PRSS36: variants seen among roughly 807,000 people sequenced by gnomAD.
PRSS36 encodes serine protease 36.
Under a neutral mutation model 94.3 loss-of-function variants are expected in PRSS36, and 90 were observed. That is an observed-to-expected ratio of 0.95 (90% CI 0.80 to 1.14). The LOEUF (loss-of-function observed/expected upper bound fraction) is 1.14, where lower values mean the gene tolerates loss of function less well. PRSS36 is among the 50% of genes most tolerant of loss of function. PRSS36 has a pLI of 0.00. For missense variants in PRSS36, 1,158 were observed against 1,135.0 expected, an observed-to-expected ratio of 1.02 and a Z score of -0.29; for synonymous variants, 500 against 489.6, an observed-to-expected ratio of 1.02 and a Z score of -0.28.
Position 31,145,559 on chromosome 16 carries a change from G to A in PRSS36, c.720+230C>T, listed in dbSNP as rs113183643. ...GCACAAGAGTCGCTTGAGCGGTGGGGGTGGAGCAGGGGGAGGTTGCAGTAA... is the reference window on the plus strand; with the variant it reads ...GCACAAGAGTCGCTTGAGCGGTGGGAGTGGAGCAGGGGGAGGTTGCAGTAA... On this transcript the variant is annotated intron_variant, in intron 6 of 14. Transcript: ENST00000268281. 1.6e-4 allele frequency among the ~76,000 whole-genome samples: 25 copies of A among 151,914 alleles called. 1 individual carries two copies. Among genetic ancestry groups the A allele is most frequent in the Non-Finnish European group, 3.4e-4 (23 of 67,986 alleles).
At chr16:31,142,670 G>A (rs1370861388) in intron 9 of PRSS36, 26 bp from the exon 10 acceptor site, 1 of 1,411,276 alleles carries the variant, frequency 7.1e-7, no homozygotes, top group Non-Finnish European at 9.2e-7. Flanking sequence ...CAGGGAGCCC[G>A]CGCTGCGGCC....
At position 31,142,779 on chromosome 16, in the gene PRSS36, G is replaced by A; in HGVS notation, c.1315C>T (p.Leu439=). 6.9e-7 allele frequency: 1 copy of A among 1,452,782 alleles called. No homozygotes were observed. The highest frequency in any genetic ancestry group is 9.1e-7 in the Non-Finnish European group (1 of 1,098,254). The allele number at this position is 1,452,782 out of a possible 1,614,324, so 90.0% of individuals were successfully genotyped here. ...VCLPHPEHYF[L]PGSRCRLARW... is the part of the protein sequence containing the mutation. Reference sequence around the variant, plus strand: ...GCCAGGCGGCAGCGGCTCCCGGGCAGGAAGTAGTGTTCCGGGTGGGGTAGG... The same window carrying A: ...GCCAGGCGGCAGCGGCTCCCGGGCAAGAAGTAGTGTTCCGGGTGGGGTAGG... The change falls in exon 9 of 15, where the codon CTG becomes TTG. Residue 439 remains leucine, a synonymous_variant. Transcript: ENST00000268281.
chr16:31,147,074 G>C (rs1204596946), intron 5 of PRSS36, among the ~76,000 whole-genome samples: 1 of 152,138 alleles, frequency 6.6e-6, no homozygotes, highest in Admixed American at 6.5e-5. Context: ...GGAAGTTGGG[G>C]ATTGTCCTGG....
intron 10 of PRSS36, among the ~76,000 whole-genome samples, chr16:31,142,184 C>T (rs1290168964): frequency 6.6e-6 from 1 of 152,238 alleles, no homozygotes; most frequent in Non-Finnish European, 1.5e-5. Context: ...AGCTCAGAGC[C>T]CGCCTCAGCT....
At chr16:31,143,907 T>G in intron 6 of PRSS36, 70 bp from the exon 7 acceptor site, 1 of 1,587,198 alleles carries the variant, frequency 6.3e-7, no homozygotes, top group Admixed American at 1.7e-5. Flanking sequence ...GCACCTCCTT[T>G]TGGCCCAACA....
At chr16:31,142,381 C>T in intron 10 of PRSS36, 100 bp downstream of exon 10, 1 of 1,311,984 alleles carries the variant, frequency 7.6e-7, no homozygotes. Context: ...AGGCCCCGCC[C>T]TCTCCCTAGA....
At chr16:31,147,070 T>G (rs1182924038) in intron 5 of PRSS36, among the ~76,000 whole-genome samples, 1 of 152,124 alleles carries the variant, frequency 6.6e-6, no homozygotes, top group Non-Finnish European at 1.5e-5. Flanking sequence ...CCAGGGAAGT[T>G]GGGGATTGTC....
intron 1 of PRSS36, 130 bp downstream of exon 1, chr16:31,149,869 C>A: frequency 6.6e-7 from 1 of 1,520,214 alleles, no homozygotes; most frequent in Admixed American, 1.7e-5. Flanking sequence ...GATACATCCT[C>A]GCCTTCTGCT....
In PRSS36 at chr16:31,143,095, C is replaced by T. The variant is rs1472784163; in HGVS notation, c.1101-102G>A. The T allele has an allele frequency of 2.2e-6, 3 of 1,378,182 alleles. No homozygotes were observed. The African/African-American group carries it at 4.5e-5, about 21-fold the overall frequency. The allele number at this position is 1,378,182 out of a possible 1,614,324, so 85.4% of individuals were successfully genotyped here. A position where few individuals can be genotyped will look rare whatever the true frequency, so the allele number is the denominator to read the frequency against. ...GCCAGGCGAGGATCCTGCATCCTGG[C>T]GGGATCCCCACGACACCCCCATTCC... On this transcript the variant is annotated intron_variant, in intron 8 of 14. Transcript: ENST00000268281.
intron 12 of PRSS36, 94 bp downstream of exon 12, chr16:31,141,375 T>TTAAA: frequency 2.5e-6 from 2 of 795,276 alleles, no homozygotes; most frequent in Non-Finnish European, 3.6e-6. Context: ...TTAATTTTTT[T>TTAAA]TAAACAAACA....
At chr16:31,142,185 C>G (rs552566150) in intron 10 of PRSS36, among the ~76,000 whole-genome samples, 10 of 152,340 alleles carry the variant, frequency 6.6e-5, no homozygotes, top group Admixed American at 5.9e-4. Flanking sequence ...GCTCAGAGCC[C>G]GCCTCAGCTC....
At chr16:31,149,352 G>T in intron 3 of PRSS36, 111 bp downstream of exon 3, 2 of 1,536,918 alleles carry the variant, frequency 1.3e-6, no homozygotes, top group Non-Finnish European at 1.8e-6. Flanking sequence ...TCTGAACAAA[G>T]AACATAGAGG....
Position 31,143,654 on chromosome 16 carries a change from G to T in PRSS36, c.904C>A (p.Gln302Lys). 6.2e-7 allele frequency: 1 copy of T among 1,614,224 alleles called. No individual in the cohort carries two copies. Among genetic ancestry groups the T allele is most frequent in the Non-Finnish European group, 8.5e-7 (1 of 1,180,038 alleles). ...GSEPGPAFPT[Q>K]PQKTQSDPQE... ...GGATCTGACTGGGTCTTCTGGGGCT[G>T]GGTGGGAAAGGCAGGCCCAGGCTCT... Residue 302 changes from glutamine (Q) to lysine (K), a missense_variant, in exon 7 of 15, where the codon CAG becomes AAG. Coordinates refer to ENST00000268281, the MANE Select transcript of PRSS36 (RefSeq NM_173502.5).
rs1212092558 is a variant in PRSS36 at position 31,142,604 on chromosome 16, C to CA, written c.1397dup (p.Leu467ValfsTer43). On this transcript the variant is annotated frameshift_variant, in exon 10 of 15. Transcript: ENST00000268281. LOFTEE classifies it high-confidence loss of function. ...GGCAGTGGCACCACCAGCCGCCTAA[C>CA]AGCTCCGCCTCCAGCAGCGCGCCTG... 4.6e-6 allele frequency: 7 copies of CA among 1,516,480 alleles called. No homozygotes were observed. In the East Asian group the frequency reaches 1.8e-4, roughly 38 times the overall value. The allele number at this position is 1,516,480 out of a possible 1,614,324, so 93.9% of individuals were successfully genotyped here.
In PRSS36 at chr16:31,145,873, C is replaced by T. The variant is rs761191741; in HGVS notation, c.636G>A (p.Gln212=). ...GGAGAGTGAGGTTGAAGGGACCGGG[C>T]TGGCTGTAGAGACATTGACAGGTGG... ...GEATCQCLYS[Q]PGPFNLTLQI... Residue 212 remains glutamine (Q), a synonymous_variant, in exon 6 of 15, where the codon CAG becomes CAA. Transcript: ENST00000268281. 1.9e-6 allele frequency: 3 copies of T among 1,614,108 alleles called. No homozygotes were observed. In the Admixed American group the frequency reaches 5.0e-5, roughly 27 times the overall value.
At position 31,142,463 on chromosome 16, in the gene PRSS36, C is replaced by T; in HGVS notation, c.1521+18G>A. The stretch of plus-strand genomic sequence containing the variant: ...CCTCTCGGGCCCGCGTTCCGCGGGC[C>T]CCGCCCCCGCCGCTTACCCAGCAGC... On this transcript the variant is annotated intron_variant, in intron 10 of 14. Transcript: ENST00000268281. The T allele has an allele frequency of 6.9e-7, 1 of 1,439,674 alleles. No individual in the cohort carries two copies. 89.2% of individuals were successfully genotyped at this position (1,439,674 alleles called of 1,614,324 possible).
chr16:31,140,845 G>A, intron 12 of PRSS36, 88 bp from the exon 13 acceptor site: 2 of 1,412,386 alleles, frequency 1.4e-6, no homozygotes, highest in Non-Finnish European at 1.9e-6. Context: ...ACTCTCTGGG[G>A]TCATGCCACT....
rs1408236443 is a variant in PRSS36 at position 31,143,331 on chromosome 16, T to C, written c.1100+11A>G. 2.5e-6 allele frequency: 4 copies of C among 1,579,104 alleles called. No homozygotes were observed. The highest frequency in any genetic ancestry group is 1.9e-5 in the Admixed American group (1 of 53,480). On this transcript the variant is annotated intron_variant, in intron 8 of 14. Coordinates refer to ENST00000268281, the MANE Select transcript of PRSS36 (RefSeq NM_173502.5). Reference sequence around the variant, plus strand: ...GGCAAGGATCGGCTTGAAACGTAGATTTTCACTCACTCCAGAAAGCAGCTG... The same window carrying C: ...GGCAAGGATCGGCTTGAAACGTAGACTTTCACTCACTCCAGAAAGCAGCTG...
intron 5 of PRSS36, 35 bp downstream of exon 5, chr16:31,148,360 C>T (rs2057829176): frequency 6.6e-7 from 1 of 1,510,710 alleles, no homozygotes. Context: ...GCCCCACCTC[C>T]CCGAGGCCCT....
Sources: gnomAD v4.1 joint callset for allele counts (sites outside exome capture counted in the v4.1 genomes callset) on GRCh38, gnomAD v4.1.1 for gene constraint, MANE v1.5 for transcripts, NCBI Gene and HGNC (gene_info 2026-07-23, HGNC 2026-07-21) for gene names.